The following RPS6KA2 variants were observed in gnomAD, a reference collection of about 807,000 sequenced individuals.
RPS6KA2 encodes ribosomal protein S6 kinase A2, also known as ribosomal protein S6 kinase alpha-2.
Under a neutral mutation model 91.8 loss-of-function variants are expected in RPS6KA2, and 42 were observed. That is an observed-to-expected ratio of 0.46 (90% confidence interval 0.36 to 0.59). RPS6KA2 has a LOEUF of 0.59. Ranked by LOEUF, RPS6KA2 falls within the 20% of genes least tolerant of loss-of-function variation. The probability of loss-of-function intolerance (pLI) is 0.00; values close to 1 mark genes in which losing one functional copy is unlikely to be tolerated. For synonymous variants in RPS6KA2, 414 were observed against 393.6 expected (o/e 1.05, Z -0.61); for missense variants, 798 against 978.5 (o/e 0.82, Z 2.46).
At chr6:166,710,546 T>C (rs1197433102) in intron 2 of RPS6KA2, among the ~76,000 whole-genome samples, 1 of 151,946 alleles carries the variant, frequency 6.6e-6, no homozygotes, top group African/African-American at 2.4e-5. Context: ...TATGTGTGTT[T>C]GCATTGTGTG....
At chr6:166,690,379 C>A (rs189117086) in intron 2 of RPS6KA2, among the ~76,000 whole-genome samples, 57 of 152,220 alleles carry the variant, frequency 3.7e-4, no homozygotes, top group Admixed American at 4.6e-4. Flanking sequence ...AGAGGCAATA[C>A]GGAAATACAG....
intron 1 of RPS6KA2, among the ~76,000 whole-genome samples, chr6:166,577,965 T>C: frequency 6.6e-6 from 1 of 152,220 alleles, no homozygotes; most frequent in Non-Finnish European, 1.5e-5. Flanking sequence ...ATAGTGAATA[T>C]GTCTCAGGAG....
At chr6:166,583,555 C>T (rs1785083698) in intron 1 of RPS6KA2, among the ~76,000 whole-genome samples, 2 of 152,204 alleles carry the variant, frequency 1.3e-5, no homozygotes, top group Admixed American at 6.5e-5. Flanking sequence ...CCAGGGTTCC[C>T]CACCCACTGT....
chr6:166,833,989 C>G (rs1780252815), intron 2 of RPS6KA2, among the ~76,000 whole-genome samples: 1 of 152,038 alleles, frequency 6.6e-6, no homozygotes, highest in African/African-American at 2.4e-5. Context: ...CCATCTTGGC[C>G]TCCCAAAATG....
chr6:166,824,554 ATGTG>A (rs754466086), intron 2 of RPS6KA2, among the ~76,000 whole-genome samples: 1 of 151,590 alleles, frequency 6.6e-6, no homozygotes, highest in Non-Finnish European at 1.5e-5. Context: ...GTGTGTCTAT[ATGTG>A]TGTGTCTATG....
intron 2 of RPS6KA2, among the ~76,000 whole-genome samples, chr6:166,686,680 C>T (rs1234267720): frequency 1.3e-5 from 2 of 152,202 alleles, no homozygotes; most frequent in Non-Finnish European, 2.9e-5. Context: ...TGCCTTGCTC[C>T]CCGGCTGAGC....
chr6:166,701,064 C>T (rs1789503065), intron 2 of RPS6KA2: 1 of 1,504,370 alleles, frequency 6.6e-7, no homozygotes, highest in East Asian at 2.3e-5. Flanking sequence ...GGTTTGGCAT[C>T]TGCCTCCGTG....
At chr6:166,755,368 T>C (rs957510948) in intron 2 of RPS6KA2, among the ~76,000 whole-genome samples, 2 of 152,022 alleles carry the variant, frequency 1.3e-5, no homozygotes, top group Admixed American at 6.6e-5. Context: ...CTGTTCAGGG[T>C]GTTCACTCCT....
chr6:166,831,275 G>A (rs1258905041), intron 2 of RPS6KA2, among the ~76,000 whole-genome samples: 2 of 152,130 alleles, frequency 1.3e-5, no homozygotes, highest in East Asian at 1.9e-4. Flanking sequence ...ACGCATCCAG[G>A]ACCGGAGGCC....
chr6:166,824,071 A>T (rs888819278), intron 2 of RPS6KA2, among the ~76,000 whole-genome samples: 1 of 151,080 alleles, frequency 6.6e-6, no homozygotes, highest in Admixed American at 6.6e-5. Flanking sequence ...TGTGTGTGTG[A>T]TGTGTATGTG....
intron 2 of RPS6KA2, among the ~76,000 whole-genome samples, chr6:166,751,673 C>T (rs1268559862): frequency 2.0e-5 from 3 of 152,256 alleles, no homozygotes; most frequent in East Asian, 3.9e-4. Flanking sequence ...CGAAGCCCCA[C>T]AAGTTTCCAT....
At chr6:166,591,866 A>C (rs879284158) in intron 1 of RPS6KA2, among the ~76,000 whole-genome samples, 1 of 152,170 alleles carries the variant, frequency 6.6e-6, no homozygotes, top group Non-Finnish European at 1.5e-5. Context: ...TGTATTACAC[A>C]CTGAGTTCCA....
At chr6:166,525,189 T>A (rs1017721679) in intron 3 of RPS6KA2, among the ~76,000 whole-genome samples, 4 of 152,194 alleles carry the variant, frequency 2.6e-5, no homozygotes, top group African/African-American at 9.7e-5. Context: ...TTCTTTTAAA[T>A]CAAGTTCCCT....
At chr6:166,559,544 A>T (rs777311687) in intron 1 of RPS6KA2, among the ~76,000 whole-genome samples, 8 of 152,206 alleles carry the variant, frequency 5.3e-5, no homozygotes, top group African/African-American at 7.2e-5. Context: ...TTACTGTATC[A>T]TATGTCCAAA....
At chr6:166,454,356 G>A (rs997778144) in intron 12 of RPS6KA2, among the ~76,000 whole-genome samples, 1 of 152,110 alleles carries the variant, frequency 6.6e-6, no homozygotes, top group Non-Finnish European at 1.5e-5. Context: ...AAATTAGCCA[G>A]GCGGGGTGGC....
chr6:166,764,041 T>G (rs1778240207), intron 2 of RPS6KA2, among the ~76,000 whole-genome samples: 1 of 152,158 alleles, frequency 6.6e-6, no homozygotes, highest in Non-Finnish European at 1.5e-5. Context: ...GCGAAGTGTT[T>G]GGGGAGTTGT....
intron 1 of RPS6KA2, among the ~76,000 whole-genome samples, chr6:166,540,410 T>C (rs898975568): frequency 1.3e-5 from 2 of 151,724 alleles, no homozygotes; most frequent in Non-Finnish European, 2.9e-5. Flanking sequence ...TTCGTCTCCA[T>C]ATCTTCAAGG....
chr6:166,552,867 C>T (rs58837225), intron 1 of RPS6KA2, among the ~76,000 whole-genome samples: 9,340 of 152,306 alleles, frequency 0.061, 950 homozygotes, highest in African/African-American at 0.21. Context: ...CCGATAACCA[C>T]GCTGGTCCCT....
At chr6:166,681,272 A>G (rs1308216982) in intron 2 of RPS6KA2, among the ~76,000 whole-genome samples, 1 of 152,250 alleles carries the variant, frequency 6.6e-6, no homozygotes, top group Non-Finnish European at 1.5e-5. Flanking sequence ...CGACAAAAAG[A>G]AGTGGGTTGC....
Sources: gnomAD v4.1 joint callset for allele counts (sites outside exome capture counted in the v4.1 genomes callset) on GRCh38, gnomAD v4.1.1 for gene constraint, MANE v1.5 for transcripts, NCBI Gene and HGNC (gene_info 2026-07-23, HGNC 2026-07-21) for gene names.